Variants in MYH7 observed in about 807,000 individuals in gnomAD.
MYH7 encodes the protein myosin-7.
Under a neutral mutation model 225.4 loss-of-function variants are expected in MYH7, and 129 were observed. The observed-to-expected ratio is 0.57, with a 90% CI of 0.50 to 0.66. MYH7 has a LOEUF of 0.66. MYH7 is among the 30% of genes least tolerant of loss of function. The pLI is 0.00. For missense variants in MYH7, 1,649 were observed against 2,517.0 expected (o/e 0.66, Z 7.38); for synonymous variants, 971 against 1,007.6 (o/e 0.96, Z 0.69).
Position 23,427,757 on chromosome 14 carries a change from C to T in MYH7, c.1716G>A (p.Lys572=). Residue 572 remains lysine (K), a synonymous_variant, in exon 16 of 40, where the codon AAG becomes AAA. Coordinates refer to ENST00000355349, the MANE Select transcript of MYH7 (RefSeq NM_000257.4). ...GGATCAGGGAGAAGTGGGCTTCAGG[C>T]TTCCCCTTGATATTGCGTGGCTTCT... ...NFQKPRNIKG[K]PEAHFSLIHY... is the part of the protein sequence containing the mutation. The T allele has an allele frequency of 1.9e-6, 3 of 1,614,178 alleles. No homozygotes were observed. Among genetic ancestry groups the T allele is most frequent in the South Asian group, 1.1e-5 (1 of 91,088 alleles).
chr14:23,423,896 G>T lies in MYH7; in HGVS notation c.2922+11C>A. The T allele has an allele frequency of 6.2e-7, 1 of 1,613,918 alleles. No homozygotes were observed. Among genetic ancestry groups the T allele is most frequent in the East Asian group, 2.2e-5 (1 of 44,872 alleles). On this transcript the variant is annotated intron_variant, in intron 23 of 39. Coordinates refer to ENST00000355349, the MANE Select transcript of MYH7 (RefSeq NM_000257.4). ...GAGACCCGGGCTGGAGCCAAAGGGA[G>T]CTGCCCTTACCTTGTTCTCTGTTGC...
chr14:23,428,967 G>A lies in MYH7; in HGVS notation c.1395C>T (p.Phe465=), dbSNP rs45508293. Residue 465 remains phenylalanine (F), a synonymous_variant, in exon 14 of 40, where the codon TTC becomes TTT. Coordinates refer to ENST00000355349, the MANE Select transcript of MYH7 (RefSeq NM_000257.4). The part of the protein sequence containing the change: ...YFIGVLDIAG[F]EIFDFNSFEQ... ...GGTCCCAACTCACATCGAAGATCTCGAAGCCAGCGATGTCCAGGACTCCTA... is the reference window on the plus strand; with the variant it reads ...GGTCCCAACTCACATCGAAGATCTCAAAGCCAGCGATGTCCAGGACTCCTA... 1.5e-4 allele frequency: 239 copies of A among 1,614,180 alleles called. No individual in the cohort carries two copies. In the African/African-American group the frequency reaches 2.4e-3, roughly 16 times the overall value.
rs727503249 is a variant in MYH7 at position 23,419,588 on chromosome 14, G to A, written c.3748C>T (p.Arg1250Trp). The change falls in exon 28 of 40, where the codon CGG becomes TGG. Residue 1250 changes from arginine (R) to tryptophan (W), a missense_variant. Physicochemically the swap from Arg to Trp is moderately radical, Grantham distance 101. Coordinates refer to ENST00000355349, the MANE Select transcript of MYH7 (RefSeq NM_000257.4). ...KAKANLEKMC[R>W]TLEDQMNEHR... is the part of the protein sequence containing the mutation. The stretch of plus-strand genomic sequence containing the variant: ...TCATTCATCTGGTCTTCCAAGGTCC[G>A]GCACATCTTCTCCAGGTTAGCCTGA... 1.2e-6 allele frequency: 2 copies of A among 1,613,954 alleles called. No homozygotes were observed. Among genetic ancestry groups the A allele is most frequent in the Non-Finnish European group, 1.7e-6 (2 of 1,180,012 alleles).
intron 5 of MYH7, 35 bp downstream of exon 5, chr14:23,432,604 G>A: frequency 6.2e-7 from 1 of 1,614,192 alleles, no homozygotes; most frequent in Non-Finnish European, 8.5e-7. Context: ...GCCTATCCCA[G>A]TTCCCTTCAG....
rs397516088 is a variant in MYH7, at chr14:23,429,850, C to A, written c.1063G>T (p.Ala355Ser). The change falls in exon 12 of 40, where the codon GCC becomes TCC. Residue 355 changes from alanine to serine, a missense_variant. Coordinates refer to ENST00000355349, the MANE Select transcript of MYH7 (RefSeq NM_000257.4). ...TTCATGTTTCCAAAGTGCATGATGG[C>A]GCCTGTCAGCTTATACATGGAGTTT... ...EKNSMYKLTG[A>S]IMHFGNMKFK... 3 of 1,614,004 alleles carry A rather than the reference C, an allele frequency of 1.9e-6. No individual in the cohort carries two copies. Among genetic ancestry groups the A allele is most frequent in the Non-Finnish European group, 2.5e-6 (3 of 1,180,034 alleles).
chr14:23,426,188 T>C lies in MYH7; in HGVS notation c.2045-107A>G, dbSNP rs1892689465. The C allele has an allele frequency of 2.4e-6, 3 of 1,268,046 alleles. No individual in the cohort carries two copies. In the African/African-American group the frequency reaches 4.4e-5, roughly 19 times the overall value. 78.5% of individuals were successfully genotyped at this position (1,268,046 alleles called of 1,614,324 possible). ...TAGCTTGTAATCTTAGCAAGTCAGT[T>C]AGTAATAATCATTTGTTTCATTTTC... is the stretch of plus-strand genomic sequence containing the variant. On this transcript the variant is annotated intron_variant, in intron 18 of 39. Transcript: ENST00000355349.
At position 23,433,572 on chromosome 14, in the gene MYH7, C is replaced by T. The variant is rs397516117; in HGVS notation, c.161G>A (p.Arg54Gln). The change falls in exon 3 of 40, where the codon CGA becomes CAA. Residue 54 changes from arginine (R) to glutamine (Q), a missense_variant. Around this residue, in one of 12 missense-constraint regions of MYH7, gnomAD observed 91 missense variants for 96.5 expected, o/e 0.94. Coordinates refer to ENST00000355349, the MANE Select transcript of MYH7 (RefSeq NM_000257.4). The surrounding 1 kb of genome is among the most constrained non-coding windows in gnomAD (Gnocchi z 4.1). ...QEFVKAKIVS[R>Q]EGGKVTAETE... ...CTCGGCAGTGACTTTGCCACCCTCT[C>T]GAGACACGATCTTGGCCTTGACAAA... is the stretch of plus-strand genomic sequence containing the variant. The T allele has an allele frequency of 7.4e-6, 12 of 1,614,088 alleles. No individual in the cohort carries two copies. In the East Asian group the frequency reaches 1.1e-4, roughly 15 times the overall value.
chr14:23,433,106 C>T lies in MYH7; in HGVS notation c.323G>A (p.Arg108His), dbSNP rs730880832. The T allele has an allele frequency of 1.2e-6, 2 of 1,614,124 alleles. No homozygotes were observed. Among genetic ancestry groups the T allele is most frequent in the Non-Finnish European group, 1.7e-6 (2 of 1,180,028 alleles). Residue 108 changes from arginine (R) to histidine (H), a missense_variant, in exon 4 of 40, where the codon CGC becomes CAC. By Grantham distance (29) the Arg-to-His change is conservative. Coordinates refer to ENST00000355349, the MANE Select transcript of MYH7 (RefSeq NM_000257.4). The surrounding 1 kb of genome is among the most constrained non-coding windows in gnomAD (Gnocchi z 4.1). Reference protein sequence around the residue: ...EPAVLYNLKDRYGSWMIYTYS... With the variant: ...EPAVLYNLKDHYGSWMIYTYS... ...CACGTAGATCATCCAGGAGCCGTAGCGATCCTTGAGGTTGTAGAGCACCGC... is the reference window on the plus strand; with the variant it reads ...CACGTAGATCATCCAGGAGCCGTAGTGATCCTTGAGGTTGTAGAGCACCGC...
Position 23,413,881 on chromosome 14 carries a change from T to C in MYH7, c.5668A>G (p.Asn1890Asp). Residue 1890 changes from asparagine (N) to aspartate (D), a missense_variant, in exon 39 of 40, where the codon AAC becomes GAC. Transcript: ENST00000355349. ...RQAEEAEEQA[N>D]TNLSKFRKVQ... ...TTGCGGAACTTGGACAGGTTGGTGT[T>C]GGCTTGCTCCTCCTGCGGGAGGTGG... 2 of 1,614,254 alleles carry C rather than the reference T, an allele frequency of 1.2e-6. No individual in the cohort carries two copies. Among genetic ancestry groups the C allele is most frequent in the Non-Finnish European group, 1.7e-6 (2 of 1,180,050 alleles).
Position 23,417,521 on chromosome 14 carries a change from C to T in MYH7, c.4335G>A (p.Lys1445=), listed in dbSNP as rs1892271096. 1 of 1,612,344 alleles carries T rather than the reference C, an allele frequency of 6.2e-7. No homozygotes were observed. The highest frequency in any genetic ancestry group is 1.1e-5 in the South Asian group (1 of 91,006). The change falls in exon 31 of 40, where the codon AAG becomes AAA. Residue 1445 remains lysine (K), a synonymous_variant. Transcript: ENST00000355349. ...SNAAAAALDK[K]QRNFDKILAE... ...GGCCCACCTTGTCGAAGTTCCTCTGCTTCTTGTCCAGGGCTGCAGCAGCAG... is the reference window on the plus strand; with the variant it reads ...GGCCCACCTTGTCGAAGTTCCTCTGTTTCTTGTCCAGGGCTGCAGCAGCAG...
intron 22 of MYH7, 33 bp from the exon 23 acceptor site, chr14:23,424,182 G>A: frequency 6.2e-7 from 1 of 1,613,568 alleles, no homozygotes. Context: ...AGGCTGTTCA[G>A]GGGGTAAGGT....
At chr14:23,414,896 G>A (rs960518068) in intron 37 of MYH7, 99 bp downstream of exon 37, 18 of 1,584,684 alleles carry the variant, frequency 1.1e-5, no homozygotes, top group Admixed American at 3.3e-5. Context: ...TCCCATCCTC[G>A]CCCTGGAAGA....
chr14:23,430,786 G>A, intron 10 of MYH7, 115 bp downstream of exon 10: 1 of 1,260,722 alleles, frequency 7.9e-7, no homozygotes, highest in Non-Finnish European at 1.2e-6. Flanking sequence ...ACATCCCACT[G>A]AATTGAATCC....
rs2754158 is a variant in MYH7 at position 23,424,876 on chromosome 14, G to A, written c.2572C>T (p.Arg858Cys). The change falls in exon 22 of 40, where the codon CGC (arginine) becomes TGC (cysteine). Residue 858 changes from arginine (R) to cysteine (C), a missense_variant. Arg to Cys is a radical substitution (Grantham distance 180). This residue lies in a region of MYH7 where 282 missense variants were observed against 315.3 expected (regional missense o/e 0.89). Coordinates refer to ENST00000355349, the MANE Select transcript of MYH7 (RefSeq NM_000257.4). Reference protein sequence around the residue: ...EMASMKEEFTRLKEALEKSEA... With the variant: ...EMASMKEEFTCLKEALEKSEA... ...GACTTCTCTAGCGCCTCTTTGAGGC[G>A]TGTGAACTCCTCCTTCATGGAGGCC... The A allele has an allele frequency of 1.2e-5, 20 of 1,614,080 alleles. No individual in the cohort carries two copies. Among genetic ancestry groups the A allele is most frequent in the Admixed American group, 3.3e-5 (2 of 60,008 alleles).
chr14:23,432,009 A>T (rs762396662), intron 6 of MYH7, 140 bp from the exon 7 acceptor site: 158 of 852,460 alleles, frequency 1.9e-4, no homozygotes, highest in Non-Finnish European at 2.8e-4. Context: ...CCCAAAATCC[A>T]CAACTGTCTT....
intron 30 of MYH7, 42 bp downstream of exon 30, chr14:23,418,168 G>A (rs1160041764): frequency 1.2e-6 from 2 of 1,613,260 alleles, no homozygotes; most frequent in Non-Finnish European, 1.7e-6. Context: ...AGTCCTGCCT[G>A]CAAAGGGGCC....
At chr14:23,419,425 G>A in intron 28 of MYH7, 58 bp downstream of exon 28, 1 of 1,612,164 alleles carries the variant, frequency 6.2e-7, no homozygotes, top group South Asian at 1.1e-5. Context: ...AGGCTGGAGT[G>A]GCTCAGGAGG....
intron 16 of MYH7, 98 bp from the exon 17 acceptor site, chr14:23,427,405 C>T (rs530812487): frequency 9.8e-5 from 149 of 1,522,978 alleles, no homozygotes; most frequent in Non-Finnish European, 7.3e-5. Context: ...TGGCATTTGG[C>T]CCCTGGGTGA....
rs1194197356 is a variant in MYH7 at position 23,416,195 on chromosome 14, G to A, written c.4762C>T (p.Arg1588Cys). ...EKDEEMEQAK[R>C]NHLRVVDSLQ... ...GAGTCCACCACCCGCAGGTGGTTGC[G>A]CTTGGCCTGTTCCATCTCCTCGTCC... Residue 1588 changes from arginine (R) to cysteine (C), a missense_variant, in exon 34 of 40, where the codon CGC (arginine) becomes TGC (cysteine). Transcript: ENST00000355349. 6.2e-6 allele frequency: 10 copies of A among 1,614,028 alleles called. No individual in the cohort carries two copies. Among genetic ancestry groups the A allele is most frequent in the East Asian group, 4.5e-5 (2 of 44,874 alleles).
Sources: gnomAD v4.1 joint callset for allele counts on GRCh38, gnomAD v4.1.1 for gene constraint, gnomAD v4.1.1 regional missense constraint, Gnocchi (gnomAD v3.1) non-coding constraint, MANE v1.5 for transcripts, NCBI Gene and HGNC (gene_info 2026-07-23, HGNC 2026-07-21) for gene names.